DIS3L2: variants seen among roughly 807,000 people sequenced by gnomAD.
DIS3L2 encodes DIS3-like exonuclease 2.
In DIS3L2, 34 loss-of-function variants were observed where a neutral mutation model predicts 97.5. The observed-to-expected ratio is 0.35, with a 90% CI of 0.27 to 0.46. The LOEUF (loss-of-function observed/expected upper bound fraction) is 0.46. DIS3L2 is among the 20% of genes least tolerant of loss of function. The pLI is 1.00. For missense variants in DIS3L2, 1,038 were observed against 1,146.0 expected, an observed-to-expected ratio of 0.91 and a Z score of 1.36; for synonymous variants, 435 against 445.2, an observed-to-expected ratio of 0.98 and a Z score of 0.29.
At position 232,336,987 on chromosome 2, in the gene DIS3L2, T is replaced by C. The variant is rs1255220411; in HGVS notation, c.*357T>C. The C allele has an allele frequency of 1.8e-6, 2 of 1,119,024 alleles. No homozygotes were observed. The highest frequency in any genetic ancestry group is 3.4e-5 in the African/African-American group (2 of 59,350). 69.3% of individuals were successfully genotyped at this position (1,119,024 alleles called of 1,614,324 possible). On this transcript the variant is annotated 3_prime_UTR_variant, in exon 21 of 21. Transcript: ENST00000325385. Reference sequence around the variant, plus strand: ...CAAGTGTGGAGTGCCATCTGGTGTGTAGGGCGCCTCTGGGAAGCCTGGGCA... The same window carrying C: ...CAAGTGTGGAGTGCCATCTGGTGTGCAGGGCGCCTCTGGGAAGCCTGGGCA...
At chr2:232,303,558 G>A (rs1161387261) in intron 14 of DIS3L2, among the ~76,000 whole-genome samples, 1 of 152,184 alleles carries the variant, frequency 6.6e-6, no homozygotes, top group Non-Finnish European at 1.5e-5. Context: ...AATCACTTTA[G>A]CATTCATCTC....
rs574723716 is a variant in DIS3L2 at position 232,092,874 on chromosome 2, C to T, written c.601+5153C>T. ...GACTTCTTCCTTTCCAATTTGGGTG[C>T]CCTTTATTTCTTTCTCTTGTCTGAT... is the stretch of plus-strand genomic sequence containing the variant. On this transcript the variant is annotated intron_variant, in intron 6 of 20. Coordinates refer to ENST00000325385, the MANE Select transcript of DIS3L2 (RefSeq NM_152383.5). 2.0e-5 allele frequency among the ~76,000 whole-genome samples: 3 copies of T among 152,220 alleles called. No individual in the cohort carries two copies. The South Asian group carries it at 6.2e-4, about 32-fold the overall frequency.
chr2:232,335,964 C>T (rs762850530), intron 20 of DIS3L2, 90 bp downstream of exon 20: 139 of 1,540,818 alleles, frequency 9.0e-5, no homozygotes, highest in Non-Finnish European at 1.2e-4. Flanking sequence ...TCTGTGTCCC[C>T]TGGGCTCCCC....
intron 5 of DIS3L2, among the ~76,000 whole-genome samples, chr2:232,051,157 T>C (rs1695387820): frequency 6.6e-6 from 1 of 152,190 alleles, no homozygotes; most frequent in African/African-American, 2.4e-5. Context: ...TCAAGTTAGA[T>C]TGGGGTCTCC....
intron 1 of DIS3L2, among the ~76,000 whole-genome samples, chr2:231,968,395 T>C (rs1692790629): frequency 6.6e-6 from 1 of 152,250 alleles, no homozygotes; most frequent in Admixed American, 6.5e-5. Context: ...GCGCTTGGCC[T>C]AACTGATGTT....
intron 1 of DIS3L2, among the ~76,000 whole-genome samples, chr2:231,994,143 T>A (rs1039899296): frequency 2.6e-5 from 4 of 151,682 alleles, no homozygotes; most frequent in African/African-American, 9.7e-5. Flanking sequence ...GAAAAGGCTA[T>A]CTTTCCTCCC....
chr2:231,977,771 A>G (rs918605236), intron 1 of DIS3L2, among the ~76,000 whole-genome samples: 1 of 152,152 alleles, frequency 6.6e-6, no homozygotes, highest in Non-Finnish European at 1.5e-5. Flanking sequence ...AATGGGTTTC[A>G]TGGAATTTTG....
At chr2:232,300,488 A>G (rs987562862) in intron 14 of DIS3L2, among the ~76,000 whole-genome samples, 1 of 152,052 alleles carries the variant, frequency 6.6e-6, no homozygotes, top group Non-Finnish European at 1.5e-5. Flanking sequence ...CTATCTGCCT[A>G]TACTTAGGTT....
At chr2:232,234,171 G>A (rs935387694) in intron 10 of DIS3L2, among the ~76,000 whole-genome samples, 1 of 152,166 alleles carries the variant, frequency 6.6e-6, no homozygotes, top group Non-Finnish European at 1.5e-5. Flanking sequence ...TTGAATCTGG[G>A]ATTTCTCACT....
chr2:232,309,298 C>G lies in DIS3L2; in HGVS notation c.1739+9179C>G, dbSNP rs542018247. Among the ~76,000 whole-genome samples, 7 of 152,230 alleles carry G rather than the reference C, an allele frequency of 4.6e-5. No individual in the cohort carries two copies. The South Asian group carries it at 1.5e-3, about 32-fold the overall frequency. On this transcript the variant is annotated intron_variant, in intron 14 of 20. Coordinates refer to ENST00000325385, the MANE Select transcript of DIS3L2 (RefSeq NM_152383.5). ...CTCAGAACCACTCCTGTCCCACTTG[C>G]GTCAGTTCAGATCTGCAGAGAAGCA...
At chr2:232,126,773 T>A (rs1353573842) in intron 6 of DIS3L2, among the ~76,000 whole-genome samples, 1 of 152,208 alleles carries the variant, frequency 6.6e-6, no homozygotes, top group African/African-American at 2.4e-5. Flanking sequence ...CACAGGGCCA[T>A]TCTACCAGCG....
At position 232,249,265 on chromosome 2, in the gene DIS3L2, G is replaced by A. The variant is rs778511473; in HGVS notation, c.1344G>A (p.Leu448=). ...QKVVPMLPRL[L]CEELCSLNPM... is the part of the protein sequence containing the mutation. ...TGGTCCCCATGCTTCCCAGGCTGCT[G>A]TGTGAGGAGCTGTGCAGCCTCAACC... Residue 448 remains leucine (L), a synonymous_variant, in exon 12 of 21, where the codon CTG becomes CTA. Coordinates refer to ENST00000325385, the MANE Select transcript of DIS3L2 (RefSeq NM_152383.5). The A allele has an allele frequency of 6.2e-7, 1 of 1,614,176 alleles. No individual in the cohort carries two copies. The highest frequency in any genetic ancestry group is 8.5e-7 in the Non-Finnish European group (1 of 1,180,038).
chr2:232,011,525 G>GT (rs1266885436), intron 1 of DIS3L2, among the ~76,000 whole-genome samples: 3 of 151,958 alleles, frequency 2.0e-5, no homozygotes, highest in South Asian at 2.1e-4. Flanking sequence ...CTAATTTTGT[G>GT]TTTTTTTAGT....
chr2:232,016,929 C>CCTCT, intron 3 of DIS3L2, among the ~76,000 whole-genome samples: 1 of 136,438 alleles, frequency 7.3e-6, no homozygotes, highest in Non-Finnish European at 1.6e-5. Flanking sequence ...TCTCTCCCTC[C>CCTCT]CTCCCTCCCT....
At chr2:232,064,351 G>A (rs1306540402) in intron 5 of DIS3L2, among the ~76,000 whole-genome samples, 5 of 152,036 alleles carry the variant, frequency 3.3e-5, no homozygotes, top group Admixed American at 6.6e-5. Context: ...ATTAGCGTGC[G>A]CATGTGAAAT....
intron 7 of DIS3L2, among the ~76,000 whole-genome samples, chr2:232,134,365 A>G (rs1182912568): frequency 6.6e-6 from 1 of 152,206 alleles, no homozygotes; most frequent in Non-Finnish European, 1.5e-5. Flanking sequence ...GTCCATCTGT[A>G]CAATTGTAAT....
intron 8 of DIS3L2, 145 bp from the exon 9 acceptor site, chr2:232,163,314 C>T (rs1690707848): frequency 5.5e-6 from 4 of 722,686 alleles, no homozygotes; most frequent in Non-Finnish European, 8.9e-6. Context: ...TTCCCATTGC[C>T]AGTGATTTAC....
At chr2:232,108,732 C>T (rs895725347) in intron 6 of DIS3L2, among the ~76,000 whole-genome samples, 1 of 152,092 alleles carries the variant, frequency 6.6e-6, no homozygotes, top group Non-Finnish European at 1.5e-5. Flanking sequence ...AATCAGTGTG[C>T]AAAAATCTCT....
intron 8 of DIS3L2, among the ~76,000 whole-genome samples, chr2:232,160,312 G>C (rs1285226820): frequency 6.6e-6 from 1 of 152,148 alleles, no homozygotes; most frequent in Non-Finnish European, 1.5e-5. Context: ...AGATAAAATA[G>C]ATAATAGGTA....
Sources: allele counts gnomAD v4.1 joint callset (sites outside exome capture counted in the v4.1 genomes callset), GRCh38; gene constraint gnomAD v4.1.1; transcripts MANE v1.5; gene names NCBI Gene and HGNC (gene_info 2026-07-23, HGNC 2026-07-21).